SLC27A6: variants seen among roughly 807,000 people sequenced by gnomAD.
The protein encoded by SLC27A6 is solute carrier family 27 member 6, also known as long-chain fatty acid transport protein 6.
In SLC27A6, 74 loss-of-function variants were observed where a neutral mutation model predicts 63.9. The ratio of observed to expected loss-of-function variants is 1.16; its 90% CI spans 0.96 to 1.40. The LOEUF is 1.40. Ranked by LOEUF, SLC27A6 falls within the 40% of genes most tolerant of loss-of-function variation. The probability of loss-of-function intolerance (pLI) is 0.00; values close to 1 mark genes in which losing one functional copy is unlikely to be tolerated. For missense variants in SLC27A6, 794 were observed against 732.9 expected (o/e 1.08, Z -0.96); for synonymous variants, 287 against 260.8 (o/e 1.10, Z -0.97).
At chr5:129,025,601 TA>T (rs773546370) in intron 6 of SLC27A6, among the ~76,000 whole-genome samples, 21 of 152,116 alleles carry the variant, frequency 1.4e-4, no homozygotes, top group Non-Finnish European at 8.8e-5. Context: ...ATTACATATG[TA>T]AAACACTCAG....
intron 4 of SLC27A6, among the ~76,000 whole-genome samples, chr5:129,002,456 T>C (rs1266022247): frequency 7.0e-6 from 1 of 142,822 alleles, no homozygotes; most frequent in African/African-American, 2.6e-5. Context: ...TTCCCTCTCT[T>C]GTTCCTTCCC....
At chr5:128,989,939 A>T (rs1426433806) in intron 3 of SLC27A6, among the ~76,000 whole-genome samples, 1 of 151,856 alleles carries the variant, frequency 6.6e-6, no homozygotes, top group Non-Finnish European at 1.5e-5. Flanking sequence ...AAAAAAAAAA[A>T]AGATATGTTG....
intron 4 of SLC27A6, among the ~76,000 whole-genome samples, chr5:128,994,324 A>AT (rs1412403133): frequency 2.0e-5 from 3 of 151,978 alleles, no homozygotes; most frequent in East Asian, 1.9e-4. Context: ...AAACTTAATA[A>AT]TTTTTTTTTA....
rs776906825 is a variant in SLC27A6, at chr5:129,023,701, G to A, written c.1246G>A (p.Val416Met). The change falls in exon 6 of 10, where the codon GTG becomes ATG. Residue 416 changes from valine to methionine, a missense_variant. Val to Met is a conservative substitution (Grantham distance 21). Coordinates refer to ENST00000262462, the MANE Select transcript of SLC27A6 (RefSeq NM_001017372.3). ...MRNEQGWCIHVKKGEPGLLIS... is the reference protein window; with the variant it reads ...MRNEQGWCIHMKKGEPGLLIS... Reference sequence around the variant, plus strand: ...AAATGAGCAGGGTTGGTGTATTCATGTGAAAAAAGGTAAGACTTCTATTTG... The same window carrying A: ...AAATGAGCAGGGTTGGTGTATTCATATGAAAAAAGGTAAGACTTCTATTTG... 8.1e-6 allele frequency: 13 copies of A among 1,602,780 alleles called. No individual in the cohort carries two copies. Among genetic ancestry groups the A allele is most frequent in the Admixed American group, 1.7e-5 (1 of 58,688 alleles).
intron 4 of SLC27A6, among the ~76,000 whole-genome samples, chr5:128,995,380 A>T (rs539385569): frequency 1.8e-4 from 27 of 152,342 alleles, no homozygotes; most frequent in African/African-American, 6.5e-4. Flanking sequence ...GACACACAGG[A>T]CAAATCAGAC....
At chr5:128,979,638 G>A (rs1182866104) in intron 1 of SLC27A6, among the ~76,000 whole-genome samples, 2 of 152,048 alleles carry the variant, frequency 1.3e-5, no homozygotes, top group Non-Finnish European at 1.5e-5. Context: ...TTATTCATTG[G>A]CAACAGGAGA....
chr5:129,032,845 CATAATT>C (rs758103788), intron 9 of SLC27A6, among the ~76,000 whole-genome samples: 1 of 151,834 alleles, frequency 6.6e-6, no homozygotes, highest in Admixed American at 6.6e-5. Flanking sequence ...GTATTTTAGA[CATAATT>C]ATAATCAGTT....
chr5:128,998,431 A>T (rs1220962247), intron 4 of SLC27A6, among the ~76,000 whole-genome samples: 2 of 152,122 alleles, frequency 1.3e-5, no homozygotes, highest in African/African-American at 4.8e-5. Context: ...TTGAAAACTA[A>T]TTGGTCTTTG....
At chr5:128,978,378 C>T (rs1428652394) in intron 1 of SLC27A6, among the ~76,000 whole-genome samples, 1 of 152,104 alleles carries the variant, frequency 6.6e-6, no homozygotes, top group Non-Finnish European at 1.5e-5. Context: ...AATAGTTTAC[C>T]ATTTCAGTTT....
Position 128,965,831 on chromosome 5 carries a change from A to G in SLC27A6, c.-307A>G. On this transcript the variant is annotated 5_prime_UTR_variant, in exon 1 of 10. Coordinates refer to ENST00000262462, the MANE Select transcript of SLC27A6 (RefSeq NM_001017372.3). ...GGCGAGGGCGCAGCGCTGGGGTTGT[A>G]GATTCCAAGACCCCTGAGGGTGGCT... The G allele has an allele frequency of 3.6e-6, 1 of 274,222 alleles. No homozygotes were observed. The highest frequency in any genetic ancestry group is 6.9e-6 in the Non-Finnish European group (1 of 144,774). 17.0% of individuals were successfully genotyped at this position (274,222 alleles called of 1,614,324 possible).
intron 5 of SLC27A6, among the ~76,000 whole-genome samples, chr5:129,020,847 A>G (rs545662454): frequency 6.6e-6 from 1 of 152,222 alleles, no homozygotes; most frequent in South Asian, 2.1e-4. Context: ...CTAGATTATA[A>G]TCAGCCCAGG....
At chr5:128,989,557 G>T (rs1188692945) in intron 3 of SLC27A6, among the ~76,000 whole-genome samples, 1 of 152,126 alleles carries the variant, frequency 6.6e-6, no homozygotes, top group Non-Finnish European at 1.5e-5. Context: ...TCAAAATTAG[G>T]TTCTGCAGTC....
Position 129,023,666 on chromosome 5 carries a change from A to G in SLC27A6, c.1211A>G (p.Glu404Gly), listed in dbSNP as rs1292156619. 1.9e-6 allele frequency: 3 copies of G among 1,610,840 alleles called. No individual in the cohort carries two copies. The highest frequency in any genetic ancestry group is 1.7e-5 in the Admixed American group (1 of 59,374). The change falls in exon 6 of 10, where the codon GAA (glutamate) becomes GGA (glycine). Residue 404 changes from glutamate (E) to glycine (G), a missense_variant. Physicochemically the swap from Glu to Gly is moderately conservative, Grantham distance 98. Coordinates refer to ENST00000262462, the MANE Select transcript of SLC27A6 (RefSeq NM_001017372.3). ...DLIKYDFQKDEPMRNEQGWCI... is the reference protein window; with the variant it reads ...DLIKYDFQKDGPMRNEQGWCI... ...ATAAAGTATGACTTTCAGAAAGATGAACCCATGAGAAATGAGCAGGGTTGG... is the reference window on the plus strand; with the variant it reads ...ATAAAGTATGACTTTCAGAAAGATGGACCCATGAGAAATGAGCAGGGTTGG...
At chr5:129,032,396 A>G (rs980742244) in intron 9 of SLC27A6, among the ~76,000 whole-genome samples, 10 of 152,068 alleles carry the variant, frequency 6.6e-5, no homozygotes, top group Non-Finnish European at 1.2e-4. Flanking sequence ...GCCTGATTTC[A>G]TGTTCCATGA....
chr5:128,971,405 A>C, intron 1 of SLC27A6, among the ~76,000 whole-genome samples: 1 of 152,066 alleles, frequency 6.6e-6, no homozygotes, highest in African/African-American at 2.4e-5. Flanking sequence ...GTCTCTTTGT[A>C]GTTCTCTAAG....
At chr5:128,974,575 A>T (rs1257902796) in intron 1 of SLC27A6, among the ~76,000 whole-genome samples, 1 of 152,208 alleles carries the variant, frequency 6.6e-6, no homozygotes, top group Non-Finnish European at 1.5e-5. Context: ...TCTTTTTAGC[A>T]CATTAAATTT....
At chr5:129,028,472 T>C in intron 8 of SLC27A6, 30 bp downstream of exon 8, 1 of 1,342,410 alleles carries the variant, frequency 7.4e-7, no homozygotes, top group Non-Finnish European at 1.1e-6. Flanking sequence ...TTTGGAAAGA[T>C]TCTTAGAATA....
At chr5:128,984,724 G>A (rs1246862252) in intron 1 of SLC27A6, among the ~76,000 whole-genome samples, 1 of 152,216 alleles carries the variant, frequency 6.6e-6, no homozygotes, top group African/African-American at 2.4e-5. Flanking sequence ...TTGCATTACA[G>A]TGGAACTGAA....
intron 4 of SLC27A6, among the ~76,000 whole-genome samples, chr5:129,015,182 G>T (rs1382656345): frequency 6.6e-6 from 1 of 152,046 alleles, no homozygotes; most frequent in Non-Finnish European, 1.5e-5. Context: ...TTTTAGGTGA[G>T]TGTAAAAGTT....
Sources: gnomAD v4.1 joint callset for allele counts (sites outside exome capture counted in the v4.1 genomes callset) on GRCh38, gnomAD v4.1.1 for gene constraint, MANE v1.5 for transcripts, NCBI Gene and HGNC (gene_info 2026-07-23, HGNC 2026-07-21) for gene names.